Variants in ZNF780A observed in about 807,000 individuals in gnomAD.
ZNF780A encodes the protein zinc finger protein 780A.
ZNF780A carries 40 observed loss-of-function variants against 56.7 expected under a neutral mutation model. The ratio of observed to expected loss-of-function variants is 0.71; its 90% CI spans 0.55 to 0.92. ZNF780A has a LOEUF of 0.92. Ranked by LOEUF, ZNF780A falls within the 40% of genes least tolerant of loss-of-function variation. ZNF780A has a pLI of 0.00. For missense variants in ZNF780A, 672 were observed against 783.3 expected (o/e 0.86, Z 1.70); for synonymous variants, 231 against 248.3 (o/e 0.93, Z 0.66).
chr19:40,083,187 C>A lies in ZNF780A; in HGVS notation c.60G>T (p.Trp20Cys). ...DVAIDFSQEE[W>C]ECLQPDQRTL... is the part of the protein sequence containing the mutation. ...TCCTCTGATCAGGCTGCAGGCACTC[C>A]CACTCCTCCTGAGAGAAGTCAATGG... Residue 20 changes from tryptophan to cysteine, a missense_variant, in exon 4 of 6, where the codon TGG becomes TGT. By Grantham distance (215) the Trp-to-Cys change is radical. Coordinates refer to ENST00000683561, the MANE Select transcript of ZNF780A (RefSeq NM_001142578.2). 1 of 1,614,172 alleles carries A rather than the reference C, an allele frequency of 6.2e-7. No homozygotes were observed. The highest frequency in any genetic ancestry group is 1.1e-5 in the South Asian group (1 of 91,084).
intron 4 of ZNF780A, among the ~76,000 whole-genome samples, chr19:40,082,350 C>CT (rs1211850580): frequency 1.3e-5 from 2 of 152,106 alleles, no homozygotes; most frequent in African/African-American, 4.8e-5. Flanking sequence ...CTAACATTGC[C>CT]TGATGTACAG....
At chr19:40,082,908 C>T (rs1974559812) in intron 4 of ZNF780A, among the ~76,000 whole-genome samples, 2 of 152,132 alleles carry the variant, frequency 1.3e-5, no homozygotes, top group South Asian at 2.1e-4. Context: ...ACCAGCGTAA[C>T]GAAGGAGGCC....
chr19:40,075,318 T>A lies in ZNF780A; in HGVS notation c.1124A>T (p.Gln375Leu), dbSNP rs768549895. The change falls in exon 6 of 6, where the codon CAG (glutamine) becomes CTG (leucine). Residue 375 changes from glutamine to leucine, a missense_variant. Physicochemically the swap from Gln to Leu is moderately radical, Grantham distance 113. Transcript: ENST00000683561. ...GTGAATGTTCTTATGGCGATTAAGC[T>A]GGTTGAGAAGACTAAAGGCCTTCCC... ...ECGKAFSLLNQLNRHKNIHTG... is the reference protein window; with the variant it reads ...ECGKAFSLLNLLNRHKNIHTG... 1.9e-6 allele frequency: 3 copies of A among 1,613,172 alleles called. No individual in the cohort carries two copies. In the East Asian group the frequency reaches 6.7e-5, roughly 36 times the overall value.
intron 4 of ZNF780A, 130 bp downstream of exon 4, chr19:40,082,981 C>G (rs1041446110): frequency 8.7e-6 from 13 of 1,486,622 alleles, no homozygotes; most frequent in Middle Eastern, 2.3e-4. Flanking sequence ...CAACAAATCC[C>G]AATCCATTCC....
intron 5 of ZNF780A, among the ~76,000 whole-genome samples, chr19:40,079,347 A>G (rs1323799787): frequency 6.6e-6 from 1 of 152,174 alleles, no homozygotes; most frequent in Non-Finnish European, 1.5e-5. Context: ...TATAAGGTGA[A>G]TATTATTAGA....
downstream of ZNF780A, chr19:40,071,382 A>C (rs900403784): frequency 6.6e-6 from 1 of 152,192 alleles, no homozygotes; most frequent in Non-Finnish European, 1.5e-5. Context: ...GCTGATGATA[A>C]ATGCTGAACA....
chr19:40,073,022 A>T (rs1441716513), downstream of ZNF780A: 1 of 1,514,852 alleles, frequency 6.6e-7, no homozygotes, highest in Non-Finnish European at 8.8e-7. Flanking sequence ...TACTTTCCTT[A>T]ACGGTAATTA....
In ZNF780A at chr19:40,074,706, T is replaced by A. The variant is rs758193004; in HGVS notation, c.1736A>T (p.His579Leu). The change falls in exon 6 of 6, where the codon CAT becomes CTT. Residue 579 changes from histidine to leucine, a missense_variant. His to Leu is a moderately conservative substitution (Grantham distance 99, BLOSUM62 -3). Coordinates refer to ENST00000683561, the MANE Select transcript of ZNF780A (RefSeq NM_001142578.2). ...HMHLIRHQKL[H>L]TGEKPFECKE... ...ACATTCAAAGGGTTTCTCACCAGTA[T>A]GCAATTTCTGATGTCGAATAAGGTG... 6.2e-7 allele frequency: 1 copy of A among 1,614,178 alleles called. No individual in the cohort carries two copies. The highest frequency in any genetic ancestry group is 8.5e-7 in the Non-Finnish European group (1 of 1,180,016).
intron 5 of ZNF780A, among the ~76,000 whole-genome samples, chr19:40,079,649 G>A (rs1163490385): frequency 6.6e-6 from 1 of 152,130 alleles, no homozygotes; most frequent in African/African-American, 2.4e-5. Flanking sequence ...CTCAGACATG[G>A]AATAGAATGA....
chr19:40,074,594 C>T lies in ZNF780A; in HGVS notation c.1848G>A (p.Lys616=). The change falls in exon 6 of 6, where the codon AAG becomes AAA. Residue 616 remains lysine, a synonymous_variant. Coordinates refer to ENST00000683561, the MANE Select transcript of ZNF780A (RefSeq NM_001142578.2). ...GAAGACTAAAAACCTTTCCACATTC[C>T]TTACATTCAAAGGGTTTCTCACCAG... ...LHTGEKPFEC[K]ECGKVFSLPT... is the part of the protein sequence containing the mutation. 6.2e-7 allele frequency: 1 copy of T among 1,613,862 alleles called. No homozygotes were observed. Among genetic ancestry groups the T allele is most frequent in the South Asian group, 1.1e-5 (1 of 91,064 alleles).
chr19:40,072,399 A>G (rs1973858232), downstream of ZNF780A: 1 of 153,762 alleles, frequency 6.5e-6, no homozygotes, highest in African/African-American at 2.4e-5. Flanking sequence ...AGTTGACCAC[A>G]TCCACCTTTA....
chr19:40,075,103 A>T lies in ZNF780A; in HGVS notation c.1339T>A (p.Cys447Ser), dbSNP rs748732351. The T allele has an allele frequency of 8.1e-6, 13 of 1,614,036 alleles. No individual in the cohort carries two copies. Among genetic ancestry groups the T allele is most frequent in the Non-Finnish European group, 1.0e-5 (12 of 1,180,024 alleles). ...CTAAAGGCCATCTCACATTCCCTAC[A>T]TACAAAAGGTTTCTCATTGGAATGA... ...KIHSNEKPFV[C>S]RECEMAFRYH... is the part of the protein sequence containing the mutation. The change falls in exon 6 of 6, where the codon TGT (cysteine) becomes AGT (serine). Residue 447 changes from cysteine to serine, a missense_variant. Coordinates refer to ENST00000683561, the MANE Select transcript of ZNF780A (RefSeq NM_001142578.2).
chr19:40,075,465 A>G lies in ZNF780A; in HGVS notation c.977T>C (p.Ile326Thr). 1.2e-6 allele frequency: 2 copies of G among 1,613,948 alleles called. No individual in the cohort carries two copies. The highest frequency in any genetic ancestry group is 1.7e-6 in the Non-Finnish European group (2 of 1,179,990). Reference sequence around the variant, plus strand: ...TTCAAAGGGTTTCTCACCAGTATGAATTTGGCAATGTTCAATAAGTTGGTA... The same window carrying G: ...TTCAAAGGGTTTCTCACCAGTATGAGTTTGGCAATGTTCAATAAGTTGGTA... ...YHYQLIEHCQ[I>T]HTGEKPFECK... The change falls in exon 6 of 6, where the codon ATT becomes ACT. Residue 326 changes from isoleucine to threonine, a missense_variant. By Grantham distance (89) the Ile-to-Thr change is moderately conservative. Coordinates refer to ENST00000683561, the MANE Select transcript of ZNF780A (RefSeq NM_001142578.2).
At chr19:40,089,388 G>T in intron 2 of ZNF780A, 1 of 1,040,504 alleles carries the variant, frequency 9.6e-7, no homozygotes, top group East Asian at 2.8e-5. Context: ...CAGTCGCAAT[G>T]AATCACATAT....
intron 2 of ZNF780A, among the ~76,000 whole-genome samples, 176 bp from the exon 3 acceptor site, chr19:40,084,974 C>T (rs1974702945): frequency 6.6e-6 from 1 of 152,238 alleles, no homozygotes; most frequent in South Asian, 2.1e-4. Flanking sequence ...TGGCAGTGAA[C>T]GGGTGGAGTA....
rs527821834 is a variant in ZNF780A at position 40,074,992 on chromosome 19, G to T, written c.1450C>A (p.Arg484Ser). ...ECQDCGKAFN[R>S]GSSLVQHQSI... is the part of the protein sequence containing the mutation. ...TGATGTTGAACAAGGCTTGAGCCAC[G>T]ATTGAAGGCCTTCCCACAGTCTTGA... is the stretch of plus-strand genomic sequence containing the variant. Residue 484 changes from arginine (R) to serine (S), a missense_variant, in exon 6 of 6, where the codon CGT becomes AGT. Arg to Ser is a moderately radical substitution (Grantham distance 110). Coordinates refer to ENST00000683561, the MANE Select transcript of ZNF780A (RefSeq NM_001142578.2). 4.3e-6 allele frequency: 7 copies of T among 1,614,144 alleles called. No homozygotes were observed. The highest frequency in any genetic ancestry group is 5.9e-6 in the Non-Finnish European group (7 of 1,179,998).
rs199973278 is a variant in ZNF780A at position 40,075,048 on chromosome 19, C to T, written c.1394G>A (p.Arg465Gln). ...AAATGGCTTGTCACCAGTATGAATT[C>T]GAGAATGTTCAATAAGTTGGCAATG... ...RYHCQLIEHS[R>Q]IHTGDKPFEC... Residue 465 changes from arginine (R) to glutamine (Q), a missense_variant, in exon 6 of 6, where the codon CGA becomes CAA. Coordinates refer to ENST00000683561, the MANE Select transcript of ZNF780A (RefSeq NM_001142578.2). 8.2e-5 allele frequency: 133 copies of T among 1,613,908 alleles called. No individual in the cohort carries two copies. The East Asian group carries it at 1.7e-3, about 21-fold the overall frequency.
At chr19:40,077,162 A>G (rs1599836297) in intron 5 of ZNF780A, among the ~76,000 whole-genome samples, 2 of 152,136 alleles carry the variant, frequency 1.3e-5, no homozygotes, top group South Asian at 4.2e-4. Context: ...GCACATCTGG[A>G]CTGCCACTGC....
At chr19:40,084,674 G>T in intron 3 of ZNF780A, 71 bp downstream of exon 3, 1 of 1,474,494 alleles carries the variant, frequency 6.8e-7, no homozygotes, top group Non-Finnish European at 9.2e-7. Context: ...CGAAGCTTCA[G>T]GTTAAATAAT....
Sources: allele counts gnomAD v4.1 joint callset (sites outside exome capture counted in the v4.1 genomes callset), GRCh38; gene constraint gnomAD v4.1.1; transcripts MANE v1.5; gene names NCBI Gene and HGNC (gene_info 2026-07-23, HGNC 2026-07-21).